Variants in MARF1 observed in about 807,000 individuals in gnomAD.
The protein encoded by MARF1 is meiosis regulator and mRNA stability factor 1.
MARF1 carries 24 observed loss-of-function variants against 168.2 expected under a neutral mutation model. The observed-to-expected ratio is 0.14, with a 90% CI of 0.10 to 0.20. The LOEUF (loss-of-function observed/expected upper bound fraction) is 0.20. Among genes scored for constraint, MARF1 ranks in the 10% least tolerant of loss-of-function variants. MARF1 has a pLI of 1.00. For missense variants in MARF1, 1,744 were observed against 2,143.6 expected (o/e 0.81, Z 3.68); for synonymous variants, 868 against 822.4 (o/e 1.06, Z -0.95).
chr16:15,599,924 A>C (rs1341296146), intron 25 of MARF1, among the ~76,000 whole-genome samples: 1 of 152,098 alleles, frequency 6.6e-6, no homozygotes, highest in African/African-American at 2.4e-5. Context: ...TCTTAGCTTG[A>C]GTCAGTTTAG....
intron 11 of MARF1, among the ~76,000 whole-genome samples, chr16:15,622,196 ACT>A (rs1291705532): frequency 6.6e-6 from 1 of 151,906 alleles, no homozygotes; most frequent in Non-Finnish European, 1.5e-5. Flanking sequence ...TCTTTTCTAG[ACT>A]CTACAAAACC....
chr16:15,640,491 C>T (rs1161703120), intron 1 of MARF1, among the ~76,000 whole-genome samples: 1 of 152,166 alleles, frequency 6.6e-6, no homozygotes, highest in Non-Finnish European at 1.5e-5. Flanking sequence ...ATTGCTTGAG[C>T]CCAGGAGTTC....
intron 5 of MARF1, among the ~76,000 whole-genome samples, chr16:15,631,970 T>C (rs2035286099): frequency 6.6e-6 from 1 of 152,238 alleles, no homozygotes; most frequent in Non-Finnish European, 1.5e-5. Context: ...GTGTATTATG[T>C]GCCACATTTT....
intron 21 of MARF1, among the ~76,000 whole-genome samples, chr16:15,604,611 T>C (rs187205986): frequency 2.0e-5 from 3 of 152,290 alleles, no homozygotes; most frequent in Admixed American, 2.0e-4. Context: ...CCCCTGCCGG[T>C]CCATAACTGA....
intron 7 of MARF1, among the ~76,000 whole-genome samples, chr16:15,629,478 T>A (rs2035102182): frequency 6.6e-6 from 1 of 152,214 alleles, no homozygotes; most frequent in Admixed American, 6.5e-5. Flanking sequence ...ACACGTTTAC[T>A]TTTTCTAAGA....
intron 23 of MARF1, chr16:15,601,055 A>G: frequency 1.9e-6 from 1 of 535,564 alleles, no homozygotes; most frequent in Non-Finnish European, 3.6e-6. Context: ...ACAACCACCT[A>G]AAAGAATTAA....
chr16:15,633,921 T>A, intron 4 of MARF1, 78 bp from the exon 5 acceptor site: 2 of 1,193,228 alleles, frequency 1.7e-6, no homozygotes. Context: ...AAACTACCTA[T>A]CATTCTCAGT....
At chr16:15,618,932 A>G (rs1354939468) in intron 13 of MARF1, among the ~76,000 whole-genome samples, 1 of 152,166 alleles carries the variant, frequency 6.6e-6, no homozygotes, top group African/African-American at 2.4e-5. Flanking sequence ...GCAAGGCAAA[A>G]CACTCAGAAT....
intron 5 of MARF1, among the ~76,000 whole-genome samples, chr16:15,632,733 A>G (rs1017625787): frequency 8.5e-5 from 13 of 152,256 alleles, no homozygotes; most frequent in Non-Finnish European, 1.5e-4. Context: ...GAACATGGGT[A>G]TATCATTTTA....
At chr16:15,611,202 T>A in intron 18 of MARF1, 94 bp from the exon 19 acceptor site, 1 of 1,240,090 alleles carries the variant, frequency 8.1e-7, no homozygotes, top group Non-Finnish European at 1.2e-6. Flanking sequence ...CTCACGCCTG[T>A]AATCCCAGCA....
intron 21 of MARF1, among the ~76,000 whole-genome samples, chr16:15,605,642 C>A (rs1368262279): frequency 6.6e-6 from 1 of 152,140 alleles, no homozygotes; most frequent in Non-Finnish European, 1.5e-5. Context: ...GATTCTCAAT[C>A]CCGGCTATGC....
rs1191945494 is a variant in MARF1, at chr16:15,639,308, AG to A, written c.-58-18del. 6.7e-7 allele frequency: 1 copy of A among 1,497,268 alleles called. No individual in the cohort carries two copies. Among genetic ancestry groups the A allele is most frequent in the Non-Finnish European group, 9.0e-7 (1 of 1,107,178 alleles). 92.7% of individuals were successfully genotyped at this position (1,497,268 alleles called of 1,614,324 possible). On this transcript the variant is annotated intron_variant, in intron 1 of 26. Coordinates refer to ENST00000396368, the MANE Select transcript of MARF1 (RefSeq NM_014647.4). The stretch of plus-strand genomic sequence containing the variant: ...TCTTCCACCCTGTTAAGAATGAGTA[AG>A]ATTTCAGTGTTATTTCCTTGCATAA...
chr16:15,631,940 T>C (rs2035283495), intron 5 of MARF1, among the ~76,000 whole-genome samples: 1 of 152,242 alleles, frequency 6.6e-6, no homozygotes, highest in South Asian at 2.1e-4. Context: ...TTCTTTTTTA[T>C]GGCTGCATAG....
rs1272545886 is a variant in MARF1, at chr16:15,633,621, C to T, written c.1229G>A (p.Cys410Tyr). 6.3e-7 allele frequency: 1 copy of T among 1,584,384 alleles called. No homozygotes were observed. Among genetic ancestry groups the T allele is most frequent in the African/African-American group, 1.4e-5 (1 of 73,366 alleles). Residue 410 changes from cysteine to tyrosine, a missense_variant, in exon 5 of 27, where the codon TGC becomes TAC. Cys to Tyr is a radical substitution (Grantham distance 194). Around this residue, in one of 7 missense-constraint regions of MARF1, gnomAD observed 217 missense variants for 372.4 expected, o/e 0.58. Coordinates refer to ENST00000396368, the MANE Select transcript of MARF1 (RefSeq NM_014647.4). Reference protein sequence around the residue: ...NKEVIQELNNCQVTVAHINAT... With the variant: ...NKEVIQELNNYQVTVAHINAT... ...TATTAAATTTTTTTTTTTTACCTGG[C>T]AATTATTCAGCTCTTGAATAACTTC...
In MARF1 at chr16:15,594,948, C is replaced by T. The variant is rs1596412034; in HGVS notation, c.*1745G>A. The T allele has an allele frequency of 6.5e-6, 1 of 152,720 alleles. No homozygotes were observed. The highest frequency in any genetic ancestry group is 1.5e-5 in the Non-Finnish European group (1 of 68,038). The allele number at this position is 152,720 out of a possible 1,614,324, so 9.5% of individuals were successfully genotyped here. A position where few individuals can be genotyped will look rare whatever the true frequency, so the allele number is the denominator to read the frequency against. ...ATGATACCTCTTACGGTTTTAAAGT[C>T]CACCACTCTTTACATGCTAGCAGAA... On this transcript the variant is annotated 3_prime_UTR_variant, in exon 27 of 27. Coordinates refer to ENST00000396368, the MANE Select transcript of MARF1 (RefSeq NM_014647.4).
intron 26 of MARF1, among the ~76,000 whole-genome samples, chr16:15,598,499 T>C (rs2032001179): frequency 1.3e-5 from 2 of 152,032 alleles, no homozygotes; most frequent in Non-Finnish European, 2.9e-5. Flanking sequence ...CCACCATGGG[T>C]GACGTGTACA....
chr16:15,620,398 T>C (rs1445727995), intron 13 of MARF1, 53 bp downstream of exon 13: 7 of 1,109,244 alleles, frequency 6.3e-6, no homozygotes, highest in East Asian at 2.4e-5. Context: ...GTTTTGTGCA[T>C]GTAAGCCACC....
At chr16:15,598,726 C>CA in intron 26 of MARF1, 128 bp downstream of exon 26, 1 of 917,764 alleles carries the variant, frequency 1.1e-6, no homozygotes, top group Admixed American at 2.3e-5. Context: ...GTCGAATAAT[C>CA]AGCACAGTGT....
chr16:15,612,949 A>T (rs2033699573), intron 16 of MARF1, among the ~76,000 whole-genome samples, 172 bp from the exon 17 acceptor site: 1 of 152,194 alleles, frequency 6.6e-6, no homozygotes, highest in Admixed American at 6.5e-5. Context: ...TAGTCCAATA[A>T]CTAGCTAACT....
Sources: allele counts gnomAD v4.1 joint callset (sites outside exome capture counted in the v4.1 genomes callset), GRCh38; gene constraint gnomAD v4.1.1; regional missense constraint gnomAD v4.1.1; transcripts MANE v1.5; gene names NCBI Gene and HGNC (gene_info 2026-07-23, HGNC 2026-07-21).